KDM5B: variants seen among roughly 807,000 people sequenced by gnomAD.
KDM5B encodes the protein lysine demethylase 5B.
Under a neutral mutation model 193.4 loss-of-function variants are expected in KDM5B, and 144 were observed. That is an observed-to-expected ratio of 0.74 (90% confidence interval 0.65 to 0.86). The LOEUF is 0.86. KDM5B is among the 40% of genes least tolerant of loss of function. The probability of loss-of-function intolerance (pLI) is 0.00; values close to 1 mark genes in which losing one functional copy is unlikely to be tolerated. For missense variants in KDM5B, 1,833 were observed against 1,886.9 expected (o/e 0.97, Z 0.53); for synonymous variants, 668 against 682.6 (o/e 0.98, Z 0.33).
At chr1:202,754,050 T>C (rs1450810964) in intron 11 of KDM5B, among the ~76,000 whole-genome samples, 1 of 152,208 alleles carries the variant, frequency 6.6e-6, no homozygotes, top group African/African-American at 2.4e-5. Context: ...CCCACAAGGG[T>C]AAGGCAACTT....
intron 8 of KDM5B, chr1:202,758,794 C>A: frequency 4.3e-6 from 1 of 231,924 alleles, no homozygotes; most frequent in South Asian, 1.1e-4. Context: ...ACTCGACTTC[C>A]TTCAAAATCA....
intron 1 of KDM5B, among the ~76,000 whole-genome samples, chr1:202,807,831 C>G (rs550937623): frequency 9.3e-4 from 141 of 152,086 alleles, no homozygotes; most frequent in African/African-American, 3.2e-3. Context: ...ACCCGAACCT[C>G]CGCACCCGGC....
At chr1:202,761,849 T>C (rs972717744) in intron 7 of KDM5B, among the ~76,000 whole-genome samples, 4 of 152,068 alleles carry the variant, frequency 2.6e-5, no homozygotes, top group African/African-American at 4.8e-5. Context: ...AGCAAACTGA[T>C]ACATTACTCA....
intron 1 of KDM5B, among the ~76,000 whole-genome samples, chr1:202,789,849 C>G (rs1289870014): frequency 6.6e-6 from 1 of 151,956 alleles, no homozygotes; most frequent in African/African-American, 2.4e-5. Flanking sequence ...TTGGCACGTG[C>G]CTGTAGTCCC....
intron 1 of KDM5B, among the ~76,000 whole-genome samples, chr1:202,797,873 T>C (rs978726493): frequency 3.9e-5 from 6 of 152,234 alleles, no homozygotes; most frequent in Non-Finnish European, 8.8e-5. Flanking sequence ...CTCTACCTTT[T>C]AAAACATGTT....
chr1:202,768,316 T>C (rs1296026758), intron 4 of KDM5B, among the ~76,000 whole-genome samples: 2 of 152,172 alleles, frequency 1.3e-5, no homozygotes, highest in African/African-American at 4.8e-5. Flanking sequence ...CCCAGGAACA[T>C]CACGAAAAAC....
chr1:202,782,720 G>A (rs1177293045), intron 1 of KDM5B, among the ~76,000 whole-genome samples: 5 of 152,144 alleles, frequency 3.3e-5, no homozygotes, highest in Non-Finnish European at 7.3e-5. Context: ...AGTAAAACTT[G>A]TACTCCCTAT....
chr1:202,792,188 T>C (rs1351374413), intron 1 of KDM5B, among the ~76,000 whole-genome samples: 2 of 152,068 alleles, frequency 1.3e-5, no homozygotes, highest in Non-Finnish European at 2.9e-5. Flanking sequence ...CCTTATTTTT[T>C]CTTTCTTTCT....
In KDM5B at chr1:202,760,407, A is replaced by T. The variant is rs1264388525; in HGVS notation, c.1077+8T>A. ...TTTTCTAGTGTTACCTCTACTATTA[A>T]TTATTACCTGAGCCAAACACTTAGG... On this transcript the variant is annotated splice_region_variant and intron_variant, in intron 8 of 26. Transcript: ENST00000367265. The T allele has an allele frequency of 6.3e-7, 1 of 1,591,216 alleles. No homozygotes were observed. The highest frequency in any genetic ancestry group is 8.5e-7 in the Non-Finnish European group (1 of 1,170,628).
chr1:202,745,739 G>C, intron 16 of KDM5B, 119 bp downstream of exon 16: 1 of 1,141,364 alleles, frequency 8.8e-7, no homozygotes, highest in East Asian at 2.4e-5. Context: ...GGGCTATGTA[G>C]AGGGGCTAAC....
At chr1:202,801,555 T>G (rs556237745) in intron 1 of KDM5B, among the ~76,000 whole-genome samples, 1 of 152,324 alleles carries the variant, frequency 6.6e-6, no homozygotes, top group South Asian at 2.1e-4. Flanking sequence ...AGAATTCATC[T>G]AATAATGACA....
chr1:202,752,490 C>T (rs1655830537), intron 12 of KDM5B, among the ~76,000 whole-genome samples: 1 of 152,182 alleles, frequency 6.6e-6, no homozygotes, highest in African/African-American at 2.4e-5. Flanking sequence ...CACCTAGCAA[C>T]GCATTTCTCA....
intron 12 of KDM5B, among the ~76,000 whole-genome samples, chr1:202,751,980 T>C (rs1007201036): frequency 1.3e-5 from 2 of 152,352 alleles, no homozygotes; most frequent in Admixed American, 1.3e-4. Flanking sequence ...CTATGGTCCA[T>C]GCATAATTTA....
At chr1:202,795,721 CAG>C (rs1657818070) in intron 1 of KDM5B, among the ~76,000 whole-genome samples, 1 of 149,876 alleles carries the variant, frequency 6.7e-6, no homozygotes, top group Admixed American at 6.6e-5. Flanking sequence ...GGTCCAATAA[CAG>C]AAGATATATT....
intron 1 of KDM5B, among the ~76,000 whole-genome samples, chr1:202,777,346 G>T: frequency 2.4e-5 from 2 of 83,324 alleles, no homozygotes; most frequent in East Asian, 3.7e-4. Context: ...ATGTCATTGA[G>T]CCTGTAAAAA....
chr1:202,784,849 T>A (rs564476177), intron 1 of KDM5B, among the ~76,000 whole-genome samples: 1 of 152,038 alleles, frequency 6.6e-6, no homozygotes, highest in African/African-American at 2.4e-5. Flanking sequence ...GCCAGGCCAA[T>A]GTGGCAAAAC....
At chr1:202,767,218 C>A (rs1296249507) in intron 4 of KDM5B, 158 bp from the exon 5 acceptor site, 9 of 1,571,768 alleles carry the variant, frequency 5.7e-6, no homozygotes, top group Admixed American at 1.7e-5. Context: ...AATGGAGGAA[C>A]TGAAACACCC....
At chr1:202,760,290 T>C in intron 8 of KDM5B, 125 bp downstream of exon 8, 1 of 665,226 alleles carries the variant, frequency 1.5e-6, no homozygotes, top group Non-Finnish European at 2.4e-6. Flanking sequence ...CACTCCAGCC[T>C]GGGCAACAAA....
chr1:202,744,401 T>C (rs1231142245), intron 16 of KDM5B, among the ~76,000 whole-genome samples: 1 of 151,936 alleles, frequency 6.6e-6, no homozygotes, highest in Non-Finnish European at 1.5e-5. Flanking sequence ...CTACTAAAAA[T>C]ACAAAAATTA....
Sources: allele counts gnomAD v4.1 joint callset (sites outside exome capture counted in the v4.1 genomes callset), GRCh38; gene constraint gnomAD v4.1.1; transcripts MANE v1.5; gene names NCBI Gene and HGNC (gene_info 2026-07-23, HGNC 2026-07-21).